Variants in PTPRD observed in about 807,000 individuals in gnomAD.
The protein encoded by PTPRD is receptor-type tyrosine-protein phosphatase delta.
In PTPRD, 34 loss-of-function variants were observed where a neutral mutation model predicts 214.5. That is an observed-to-expected ratio of 0.16 (90% CI 0.12 to 0.21). PTPRD has a LOEUF of 0.21. Ranked by LOEUF, PTPRD falls within the 10% of genes least tolerant of loss-of-function variation. The pLI is 1.00. For missense variants in PTPRD, 2,545 were observed against 2,398.7 expected, an observed-to-expected ratio of 1.06 and a Z score of -1.27; for synonymous variants, 1,128 against 845.7, an observed-to-expected ratio of 1.33 and a Z score of -5.79.
chr9:8,851,174 A>G (rs1370342819), intron 11 of PTPRD, among the ~76,000 whole-genome samples: 1 of 150,418 alleles, frequency 6.6e-6, no homozygotes, highest in Non-Finnish European at 1.5e-5. Context: ...AAGTCTAAGC[A>G]GCTTTCTAAG....
At chr9:8,983,449 G>GT in intron 11 of PTPRD, among the ~76,000 whole-genome samples, 1 of 151,828 alleles carries the variant, frequency 6.6e-6, no homozygotes. Flanking sequence ...TGTTCAATAC[G>GT]TTTTCTCTTA....
At chr9:9,302,353 T>C (rs533636498) in intron 9 of PTPRD, among the ~76,000 whole-genome samples, 20 of 152,066 alleles carry the variant, frequency 1.3e-4, no homozygotes, top group African/African-American at 4.8e-4. Flanking sequence ...ATACACACAA[T>C]TGTTATTGAT....
intron 3 of PTPRD, among the ~76,000 whole-genome samples, chr9:10,331,520 T>C (rs1013856835): frequency 2.6e-5 from 4 of 151,788 alleles, no homozygotes; most frequent in South Asian, 4.1e-4. Context: ...GTTAGTTAAA[T>C]AGTAAGAGAT....
chr9:10,286,490 C>G (rs1342589133), intron 3 of PTPRD, among the ~76,000 whole-genome samples: 2 of 152,092 alleles, frequency 1.3e-5, no homozygotes. Flanking sequence ...AATTAAATCT[C>G]TGATGCAAAA....
chr9:8,941,951 G>T (rs917033103), intron 11 of PTPRD, among the ~76,000 whole-genome samples: 1 of 152,032 alleles, frequency 6.6e-6, no homozygotes, highest in African/African-American at 2.4e-5. Flanking sequence ...GATTACAGGC[G>T]CCCACTACCA....
intron 5 of PTPRD, among the ~76,000 whole-genome samples, chr9:9,830,727 G>A (rs2054549652): frequency 6.6e-6 from 1 of 151,888 alleles, no homozygotes; most frequent in African/African-American, 2.4e-5. Flanking sequence ...GCAGTGAAAT[G>A]GTGTGAAGTC....
intron 4 of PTPRD, among the ~76,000 whole-genome samples, chr9:9,969,308 C>G (rs944289462): frequency 6.6e-6 from 1 of 151,376 alleles, no homozygotes; most frequent in Non-Finnish European, 1.5e-5. Context: ...GGACCAAGTC[C>G]TTTAAGATCT....
chr9:8,688,487 C>A (rs1256245060), intron 12 of PTPRD, among the ~76,000 whole-genome samples: 1 of 151,710 alleles, frequency 6.6e-6, no homozygotes, highest in African/African-American at 2.4e-5. Context: ...ATGGCATGAA[C>A]CCAGGAGGCA....
intron 3 of PTPRD, among the ~76,000 whole-genome samples, chr9:10,229,649 CA>C (rs2099601565): frequency 8.0e-6 from 1 of 124,806 alleles, no homozygotes; most frequent in Non-Finnish European, 1.6e-5. Flanking sequence ...GGGAATTGAA[CA>C]ATGAGAACAC....
chr9:9,627,596 A>T (rs892266047), intron 7 of PTPRD, among the ~76,000 whole-genome samples: 1 of 152,204 alleles, frequency 6.6e-6, no homozygotes, highest in African/African-American at 2.4e-5. Context: ...CTGTATTTTA[A>T]CAAATAACAC....
At chr9:10,065,840 T>C (rs912618187) in intron 3 of PTPRD, among the ~76,000 whole-genome samples, 9 of 151,874 alleles carry the variant, frequency 5.9e-5, no homozygotes, top group African/African-American at 4.8e-5. Flanking sequence ...CCAGTTATAC[T>C]GGGGGGAGTG....
intron 2 of PTPRD, among the ~76,000 whole-genome samples, chr9:10,416,848 T>G (rs2098495207): frequency 6.6e-6 from 1 of 151,886 alleles, no homozygotes; most frequent in South Asian, 2.1e-4. Flanking sequence ...TAGTGTAGAA[T>G]TGATGGGCAT....
At chr9:8,340,994 A>G in intron 41 of PTPRD, 96 bp downstream of exon 41, 1 of 1,264,616 alleles carries the variant, frequency 7.9e-7, no homozygotes, top group Non-Finnish European at 1.1e-6. Flanking sequence ...CAGAAAGAAA[A>G]TGTCTTTGAA....
chr9:10,374,663 T>C (rs1050788249), intron 2 of PTPRD, among the ~76,000 whole-genome samples: 52 of 152,040 alleles, frequency 3.4e-4, no homozygotes, highest in African/African-American at 1.0e-3. Flanking sequence ...GGTGGTAATA[T>C]GAAGCGTGAT....
At chr9:10,462,666 T>G (rs911090545) in intron 2 of PTPRD, among the ~76,000 whole-genome samples, 4 of 151,206 alleles carry the variant, frequency 2.6e-5, no homozygotes, top group African/African-American at 7.3e-5. Flanking sequence ...ACAGTGAGAG[T>G]GAGCTAGTAT....
At chr9:9,948,790 G>A (rs961349432) in intron 4 of PTPRD, among the ~76,000 whole-genome samples, 5 of 151,976 alleles carry the variant, frequency 3.3e-5, no homozygotes, top group Non-Finnish European at 7.4e-5. Flanking sequence ...TATTATATTA[G>A]ATCTGATCTC....
chr9:10,407,483 G>A (rs1206624380), intron 2 of PTPRD, among the ~76,000 whole-genome samples: 2 of 151,472 alleles, frequency 1.3e-5, no homozygotes, highest in Non-Finnish European at 3.0e-5. Context: ...TAATATAGTT[G>A]GTTGGCTAGC....
chr9:9,668,580 G>C (rs2096767765), intron 7 of PTPRD, among the ~76,000 whole-genome samples: 1 of 151,632 alleles, frequency 6.6e-6, no homozygotes, highest in African/African-American at 2.4e-5. Flanking sequence ...TAACTTCTTT[G>C]CTCATAATAG....
chr9:10,190,744 G>C (rs1287902919), intron 3 of PTPRD, among the ~76,000 whole-genome samples: 1 of 91,152 alleles, frequency 1.1e-5, no homozygotes, highest in Admixed American at 1.1e-4. Flanking sequence ...AAAAAAAAAA[G>C]TCAAAGTGGT....
Sources: gnomAD v4.1 joint callset for allele counts (sites outside exome capture counted in the v4.1 genomes callset) on GRCh38, gnomAD v4.1.1 for gene constraint, MANE v1.5 for transcripts, NCBI Gene and HGNC (gene_info 2026-07-23, HGNC 2026-07-21) for gene names.